Variants in MYLK observed in about 807,000 individuals in gnomAD.
MYLK encodes the protein myosin light chain kinase, also known as myosin light chain kinase, smooth muscle.
A neutral mutation model predicts 203.4 loss-of-function variants in MYLK; 106 were observed. That is an observed-to-expected ratio of 0.52 (90% CI 0.45 to 0.61). MYLK has a LOEUF of 0.61. Among genes scored for constraint, MYLK ranks in the 20% least tolerant of loss-of-function variants. MYLK has a pLI of 0.00. For missense variants in MYLK, 2,072 were observed against 2,442.3 expected (o/e 0.85, Z 3.20); for synonymous variants, 867 against 959.5 (o/e 0.90, Z 1.78).
At chr3:123,827,874 G>A (rs1397408558) in intron 3 of MYLK, among the ~76,000 whole-genome samples, 3 of 148,984 alleles carry the variant, frequency 2.0e-5, no homozygotes, top group Admixed American at 6.7e-5. Context: ...AAGAAATCAA[G>A]AAAGCAAATC....
chr3:123,614,882 C>A (rs931664112), intron 33 of MYLK, among the ~76,000 whole-genome samples: 1 of 151,862 alleles, frequency 6.6e-6, no homozygotes, highest in Non-Finnish European at 1.5e-5. Context: ...ACATGGCTCA[C>A]TGCAGCCTCA....
intron 1 of MYLK, among the ~76,000 whole-genome samples, chr3:123,877,600 T>C (rs1057132761): frequency 6.6e-6 from 1 of 152,146 alleles, no homozygotes; most frequent in Admixed American, 6.5e-5. Flanking sequence ...CAGTAGCAAC[T>C]GCGTTGATTG....
chr3:123,837,623 A>C (rs1181337872), intron 2 of MYLK, among the ~76,000 whole-genome samples: 1 of 151,510 alleles, frequency 6.6e-6, no homozygotes, highest in African/African-American at 2.4e-5. Context: ...ATAGTCAAAG[A>C]GTTGTGCACT....
intron 29 of MYLK, among the ~76,000 whole-genome samples, chr3:123,635,841 G>A (rs2058623106): frequency 6.6e-6 from 1 of 152,102 alleles, no homozygotes. Context: ...CCACTCAAAA[G>A]CCTATCAAAG....
rs867887039 is a variant in MYLK, at chr3:123,692,828, C to T, written c.3472G>A (p.Glu1158Lys). ...QEGSLCSVSI[E>K]KALPEDRGLY... ...CCTCTGTCCTCAGGCAGTGCCTTCT[C>T]GATGGAGACGGAGCAGAGTGAGCCT... Residue 1158 changes from glutamate (E) to lysine (K), a missense_variant, in exon 19 of 34, where the codon GAG (glutamate) becomes AAG (lysine). Physicochemically the swap from Glu to Lys is moderately conservative, Grantham distance 56. Coordinates refer to ENST00000360304, the MANE Select transcript of MYLK (RefSeq NM_053025.4). 6.8e-6 allele frequency: 11 copies of T among 1,613,884 alleles called. No individual in the cohort carries two copies. Among genetic ancestry groups the T allele is most frequent in the African/African-American group, 2.7e-5 (2 of 74,912 alleles).
chr3:123,647,016 G>T, intron 27 of MYLK: 1 of 602,700 alleles, frequency 1.7e-6, no homozygotes, highest in Non-Finnish European at 3.0e-6. Flanking sequence ...AGCTGGGCTG[G>T]TGCTCAGAGG....
intron 27 of MYLK, among the ~76,000 whole-genome samples, chr3:123,643,747 C>A (rs2058916235): frequency 6.6e-6 from 1 of 152,252 alleles, no homozygotes; most frequent in Admixed American, 6.5e-5. Flanking sequence ...CCCCCAAACC[C>A]TAGACCTTGG....
At chr3:123,704,931 T>C (rs1231507310) in intron 16 of MYLK, among the ~76,000 whole-genome samples, 1 of 151,832 alleles carries the variant, frequency 6.6e-6, no homozygotes, top group Non-Finnish European at 1.5e-5. Flanking sequence ...AAATAAAAAA[T>C]AAATAAAAAA....
intron 31 of MYLK, chr3:123,623,143 C>G (rs937308888): frequency 6.6e-6 from 1 of 152,388 alleles, no homozygotes; most frequent in Non-Finnish European, 1.5e-5. Context: ...CATCAAAGCC[C>G]CCCATATATA....
At chr3:123,830,457 A>G (rs757413763) in intron 3 of MYLK, among the ~76,000 whole-genome samples, 1 of 152,166 alleles carries the variant, frequency 6.6e-6, no homozygotes, top group Non-Finnish European at 1.5e-5. Context: ...ATACTTCGAT[A>G]TGTCTTTCAA....
rs930753424 is a variant in MYLK, at chr3:123,692,842, C to T, written c.3458G>A (p.Cys1153Tyr). Residue 1153 changes from cysteine to tyrosine, a missense_variant, in exon 19 of 34, where the codon TGC becomes TAC. Transcript: ENST00000360304. The stretch of plus-strand genomic sequence containing the variant: ...CAGTGCCTTCTCGATGGAGACGGAG[C>T]AGAGTGAGCCTGGGGAGGAAGAATT... The part of the protein sequence containing the change: ...FIILSQEGSL[C>Y]SVSIEKALPE... The T allele has an allele frequency of 2.5e-6, 4 of 1,613,630 alleles. No homozygotes were observed. In the African/African-American group the frequency reaches 5.3e-5, roughly 22 times the overall value.
chr3:123,701,607 A>C, intron 16 of MYLK, 98 bp from the exon 17 acceptor site: 1 of 1,280,968 alleles, frequency 7.8e-7, no homozygotes, highest in Non-Finnish European at 1.1e-6. Flanking sequence ...AGCGGGGAAG[A>C]TGGAAGTCGC....
chr3:123,795,923 A>C (rs1010569815), intron 3 of MYLK, among the ~76,000 whole-genome samples: 1 of 152,226 alleles, frequency 6.6e-6, no homozygotes, highest in Non-Finnish European at 1.5e-5. Context: ...TAAATTTAAT[A>C]ATCTCTAACA....
rs561481936 is a variant in MYLK at position 123,715,536 on chromosome 3, G to T, written c.1805-5643C>A. Among the ~76,000 whole-genome samples the T allele has an allele frequency of 2.0e-5, 3 of 152,252 alleles. No individual in the cohort carries two copies. In the South Asian group the frequency reaches 6.2e-4, roughly 32 times the overall value. ...CTAATATAAATTGATACCCAACATG[G>T]CGTTTTGGAAAGCTTTTATTTAGAG... is the stretch of plus-strand genomic sequence containing the variant. On this transcript the variant is annotated intron_variant, in intron 13 of 33. Transcript: ENST00000360304.
intron 19 of MYLK, among the ~76,000 whole-genome samples, chr3:123,684,507 T>A (rs1447594528): frequency 1.3e-5 from 2 of 152,118 alleles, no homozygotes; most frequent in African/African-American, 2.4e-5. Context: ...CAGTCACCAA[T>A]GACAATGTAA....
At chr3:123,730,838 T>C (rs2062450150) in intron 11 of MYLK, among the ~76,000 whole-genome samples, 1 of 152,188 alleles carries the variant, frequency 6.6e-6, no homozygotes, top group African/African-American at 2.4e-5. Context: ...ATGATGGTGA[T>C]GGCCACACAA....
At chr3:123,771,514 T>C (rs888831836) in intron 4 of MYLK, among the ~76,000 whole-genome samples, 3 of 152,206 alleles carry the variant, frequency 2.0e-5, no homozygotes, top group Middle Eastern at 6.3e-3. Context: ...TATAAATGTT[T>C]TGCTTCTGCT....
At chr3:123,614,752 T>C (rs1244191938) in intron 33 of MYLK, among the ~76,000 whole-genome samples, 1 of 150,876 alleles carries the variant, frequency 6.6e-6, no homozygotes, top group Non-Finnish European at 1.5e-5. Context: ...CTCAGCCTCC[T>C]GAGTAGTGAG....
intron 18 of MYLK, among the ~76,000 whole-genome samples, chr3:123,695,567 A>G (rs2060887409): frequency 6.6e-6 from 1 of 152,254 alleles, no homozygotes; most frequent in Admixed American, 6.5e-5. Flanking sequence ...TGAAAAAAGA[A>G]AATTCAGAGT....
Sources: gnomAD v4.1 joint callset for allele counts (sites outside exome capture counted in the v4.1 genomes callset) on GRCh38, gnomAD v4.1.1 for gene constraint, MANE v1.5 for transcripts, NCBI Gene and HGNC (gene_info 2026-07-23, HGNC 2026-07-21) for gene names.